Variants in PCDH15 observed in about 807,000 individuals in gnomAD.
The protein encoded by PCDH15 is protocadherin-15.
PCDH15 carries 129 observed loss-of-function variants against 178.5 expected under a neutral mutation model. The ratio of observed to expected loss-of-function variants is 0.72; its 90% CI spans 0.63 to 0.84. PCDH15 has a LOEUF of 0.84. Among genes scored for constraint, PCDH15 ranks in the 40% least tolerant of loss-of-function variants. PCDH15 has a pLI of 0.00. For synonymous variants in PCDH15, 800 were observed against 732.0 expected (o/e 1.09, Z -1.50); for missense variants, 2,230 against 2,099.9 (o/e 1.06, Z -1.21).
chr10:54,899,197 A>C (rs1391832379), intron 2 of PCDH15, among the ~76,000 whole-genome samples: 1 of 152,204 alleles, frequency 6.6e-6, no homozygotes, highest in Non-Finnish European at 1.5e-5. Context: ...AGTGGATCTA[A>C]GTTATATCCT....
chr10:55,405,789 T>C (rs1249947282), intron 2 of PCDH15, among the ~76,000 whole-genome samples: 17 of 151,998 alleles, frequency 1.1e-4, no homozygotes, highest in Admixed American at 1.0e-3. Context: ...CATGCCATTA[T>C]GGAGCTCCTA....
chr10:55,105,133 T>C (rs1254836546), intron 2 of PCDH15, among the ~76,000 whole-genome samples: 1 of 152,236 alleles, frequency 6.6e-6, no homozygotes, highest in Non-Finnish European at 1.5e-5. Context: ...TGTAAGTGTT[T>C]GCATAAGTTT....
chr10:54,588,706 G>T (rs187157308), intron 2 of PCDH15, among the ~76,000 whole-genome samples: 13 of 152,200 alleles, frequency 8.5e-5, no homozygotes, highest in African/African-American at 3.1e-4. Context: ...CTCCCAAGCA[G>T]CTGTGACTAC....
rs535844198 is a variant in PCDH15 at position 54,283,117 on chromosome 10, G to A, written c.876+34154C>T. Among the ~76,000 whole-genome samples the A allele has an allele frequency of 4.0e-3, 603 of 152,146 alleles. 2 individuals carry two copies. Among genetic ancestry groups the A allele is most frequent in the Non-Finnish European group, 6.6e-3 (448 of 67,980 alleles). ...TATAAGGACCACTACAGTTGATAGC[G>A]TAGAGAAACTAAGGCAATATTTATG... is the stretch of plus-strand genomic sequence containing the variant. On this transcript the variant is annotated intron_variant, in intron 8 of 37. Transcript: ENST00000644397.
At chr10:54,659,673 G>C (rs2094460208) in intron 2 of PCDH15, among the ~76,000 whole-genome samples, 1 of 151,322 alleles carries the variant, frequency 6.6e-6, no homozygotes, top group African/African-American at 2.4e-5. Context: ...AAAATCGCTT[G>C]AATCTGGGAG....
intron 2 of PCDH15, among the ~76,000 whole-genome samples, chr10:55,434,077 C>CTTTTTTTTTTTTTTTTTTTTT (rs60921527): frequency 3.6e-4 from 33 of 90,808 alleles, no homozygotes; most frequent in African/African-American, 6.7e-4. Context: ...CTTTTCTTTT[C>CTTTTTTTTTTTTTTTTTTTTT]TTTTTTTTTT....
chr10:54,521,465 AAAG>A (rs1314265347), intron 3 of PCDH15, among the ~76,000 whole-genome samples: 1 of 152,210 alleles, frequency 6.6e-6, no homozygotes, highest in Non-Finnish European at 1.5e-5. Context: ...TATATTCAAT[AAAG>A]AAGATCATTT....
At chr10:54,912,465 G>A (rs1011575005) in intron 2 of PCDH15, among the ~76,000 whole-genome samples, 2 of 152,140 alleles carry the variant, frequency 1.3e-5, no homozygotes, top group African/African-American at 4.8e-5. Flanking sequence ...TCCACGAGGT[G>A]AAGATATGCC....
intron 3 of PCDH15, among the ~76,000 whole-genome samples, chr10:54,844,777 G>A (rs1332218921): frequency 3.3e-5 from 5 of 151,892 alleles, no homozygotes; most frequent in Admixed American, 3.3e-4. Context: ...AACTTTGGGA[G>A]AACTTTTCAA....
intron 2 of PCDH15, among the ~76,000 whole-genome samples, chr10:55,076,832 C>T (rs1022858497): frequency 5.3e-5 from 7 of 131,702 alleles, no homozygotes; most frequent in African/African-American, 1.8e-4. Flanking sequence ...TGCAATGGGG[C>T]GATCTGGCTC....
chr10:55,045,041 T>C (rs1225163228), intron 2 of PCDH15, among the ~76,000 whole-genome samples: 2 of 152,126 alleles, frequency 1.3e-5, no homozygotes, highest in South Asian at 4.1e-4. Context: ...ACATCTCAAG[T>C]GATACATTTT....
At chr10:54,673,437 T>G (rs957704828) in intron 1 of PCDH15, among the ~76,000 whole-genome samples, 2 of 152,142 alleles carry the variant, frequency 1.3e-5, no homozygotes, top group Non-Finnish European at 2.9e-5. Context: ...ATAACTTTTT[T>G]TTGTTGTTTG....
intron 17 of PCDH15, among the ~76,000 whole-genome samples, chr10:54,077,712 T>G (rs748510455): frequency 2.0e-4 from 30 of 152,178 alleles, no homozygotes; most frequent in Non-Finnish European, 4.0e-4. Flanking sequence ...CTTCAATTAC[T>G]TCCTCCAGAA....
At chr10:55,359,258 T>C (rs1345537293) in intron 2 of PCDH15, among the ~76,000 whole-genome samples, 1 of 151,990 alleles carries the variant, frequency 6.6e-6, no homozygotes, top group African/African-American at 2.4e-5. Context: ...TAAAATCCCC[T>C]TGTGAATAGT....
intron 18 of PCDH15, among the ~76,000 whole-genome samples, chr10:54,039,525 G>A (rs1480606868): frequency 6.6e-6 from 1 of 151,906 alleles, no homozygotes; most frequent in Non-Finnish European, 1.5e-5. Flanking sequence ...AAGCTAGTCT[G>A]ACATGATATC....
chr10:53,815,165 C>G (rs2076017288), intron 35 of PCDH15, among the ~76,000 whole-genome samples: 1 of 152,024 alleles, frequency 6.6e-6, no homozygotes, highest in South Asian at 2.1e-4. Flanking sequence ...AGATCAAACA[C>G]TTAATGTAAT....
At chr10:55,480,635 A>T (rs2132117141) in intron 2 of PCDH15, among the ~76,000 whole-genome samples, 1 of 151,868 alleles carries the variant, frequency 6.6e-6, no homozygotes, top group East Asian at 1.9e-4. Flanking sequence ...AATCACATTT[A>T]TTGATTTGTG....
chr10:54,462,452 C>T (rs1037336174), intron 3 of PCDH15, among the ~76,000 whole-genome samples: 2 of 149,980 alleles, frequency 1.3e-5, no homozygotes, highest in African/African-American at 4.9e-5. Flanking sequence ...AGTTCTTCAG[C>T]TCCTATTTGT....
At chr10:55,448,988 C>T (rs1222680039) in intron 2 of PCDH15, among the ~76,000 whole-genome samples, 1 of 151,970 alleles carries the variant, frequency 6.6e-6, no homozygotes, top group African/African-American at 2.4e-5. Flanking sequence ...TAAGCTAAAT[C>T]TCATACTTTA....
Sources: gnomAD v4.1 joint callset for allele counts (sites outside exome capture counted in the v4.1 genomes callset) on GRCh38, gnomAD v4.1.1 for gene constraint, MANE v1.5 for transcripts, NCBI Gene and HGNC (gene_info 2026-07-23, HGNC 2026-07-21) for gene names.